Variants in BHMT2 observed in about 807,000 individuals in gnomAD.
The protein encoded by BHMT2 is S-methylmethionine--homocysteine S-methyltransferase BHMT2.
BHMT2 carries 28 observed loss-of-function variants against 39.0 expected under a neutral mutation model. The ratio of observed to expected loss-of-function variants is 0.72; its 90% CI spans 0.53 to 0.98. The LOEUF (loss-of-function observed/expected upper bound fraction) is 0.98, where lower values mean the gene tolerates loss of function less well. Among genes scored for constraint, BHMT2 ranks in the 50% least tolerant of loss-of-function variants. The pLI is 0.00. For missense variants in BHMT2, 410 were observed against 455.6 expected, an observed-to-expected ratio of 0.90 and a Z score of 0.91; for synonymous variants, 145 against 160.6, an observed-to-expected ratio of 0.90 and a Z score of 0.74.
intron 4 of BHMT2, chr5:79,082,587 A>T (rs526264): frequency 0.56 from 217,242 of 389,306 alleles, 63,533 homozygotes; most frequent in Non-Finnish European, 0.61. Context: ...GAATCAATGA[A>T]CCCTGAATGA....
chr5:79,083,430 G>A, intron 6 of BHMT2, 56 bp downstream of exon 6: 1 of 1,531,470 alleles, frequency 6.5e-7, no homozygotes, highest in Non-Finnish European at 8.7e-7. Context: ...AATCCAAATG[G>A]CTATAATAAA....
chr5:79,071,702 A>C (rs1755581614), intron 1 of BHMT2, among the ~76,000 whole-genome samples: 1 of 152,038 alleles, frequency 6.6e-6, no homozygotes, highest in African/African-American at 2.4e-5. Context: ...AAAAATAACT[A>C]ATGGATACTA....
chr5:79,089,468 A>G lies in BHMT2; in HGVS notation c.*894A>G, dbSNP rs1237236881. 5.3e-5 allele frequency: 8 copies of G among 150,032 alleles called. No individual in the cohort carries two copies. The highest frequency in any genetic ancestry group is 1.2e-4 in the Non-Finnish European group (8 of 67,820). The allele number at this position is 150,032 out of a possible 1,614,324, so 9.3% of individuals were successfully genotyped here. A position where few individuals can be genotyped will look rare whatever the true frequency, so the allele number is the denominator to read the frequency against. ...TCCATCTCAAAAAAAAAAAAAAAAGATATTAGGTCCTAGAATTTTTAAAAT... is the reference window on the plus strand; with the variant it reads ...TCCATCTCAAAAAAAAAAAAAAAAGGTATTAGGTCCTAGAATTTTTAAAAT... On this transcript the variant is annotated 3_prime_UTR_variant, in exon 8 of 8. Transcript: ENST00000255192.
intron 1 of BHMT2, among the ~76,000 whole-genome samples, chr5:79,072,600 C>G (rs1192542320): frequency 1.3e-5 from 2 of 152,156 alleles, no homozygotes; most frequent in Non-Finnish European, 2.9e-5. Context: ...ATGTCACCTG[C>G]CCCCAAGCCT....
rs10944 is a variant in BHMT2 at position 79,090,022 on chromosome 5, T to G, written c.*1448T>G. Among the ~76,000 whole-genome samples, 61,654 of 152,132 alleles carry G rather than the reference T, an allele frequency of 0.41. 15,120 individuals carry two copies. Among genetic ancestry groups the G allele is most frequent in the East Asian group, 0.61 (3,161 of 5,180 alleles). ...TTCATGTGTGCCAGTTTCTCTTTTT[T>G]TCACAACAATTTATCAATTTGTGGC... On this transcript the variant is annotated 3_prime_UTR_variant, in exon 8 of 8. Transcript: ENST00000255192.
chr5:79,088,502 G>A lies in BHMT2; in HGVS notation c.1020G>A (p.Arg340=), dbSNP rs1197347154. Residue 340 remains arginine (R), a synonymous_variant, in exon 8 of 8, where the codon AGG becomes AGA. Coordinates refer to ENST00000255192, the MANE Select transcript of BHMT2 (RefSeq NM_017614.5). ...ATATATTGAAACACAGGGCTCGAAG[G>A]GAGTATTGGGAGAATCTGCTGCCAG... The part of the protein sequence containing the change: ...TKPWIRARAR[R]EYWENLLPAS... 1 of 1,613,540 alleles carries A rather than the reference G, an allele frequency of 6.2e-7. No individual in the cohort carries two copies. Among genetic ancestry groups the A allele is most frequent in the Non-Finnish European group, 8.5e-7 (1 of 1,179,810 alleles).
At chr5:79,081,491 C>T (rs189892892) in intron 4 of BHMT2, among the ~76,000 whole-genome samples, 30 of 152,318 alleles carry the variant, frequency 2.0e-4, no homozygotes, top group Admixed American at 6.5e-4. Flanking sequence ...AACGAAAGTC[C>T]TCATTCCCCA....
At chr5:79,078,991 G>A (rs919834018) in intron 2 of BHMT2, among the ~76,000 whole-genome samples, 1 of 152,152 alleles carries the variant, frequency 6.6e-6, no homozygotes, top group Non-Finnish European at 1.5e-5. Flanking sequence ...TCTATGAGAA[G>A]CTCCTCACTT....
chr5:79,089,831 T>C lies in BHMT2; in HGVS notation c.*1257T>C, dbSNP rs1402937043. Among the ~76,000 whole-genome samples the C allele has an allele frequency of 6.6e-6, 1 of 152,050 alleles. No individual in the cohort carries two copies. ...ATAAAATACAAAAATTATCCAGGCA[T>C]GGTGGTGCATGCCTGTAATCCCAGC... On this transcript the variant is annotated 3_prime_UTR_variant, in exon 8 of 8. Transcript: ENST00000255192.
rs1554039290 is a variant in BHMT2 at position 79,071,845 on chromosome 5, A to AAAT, written c.33+2030_33+2031insAAT. On this transcript the variant is annotated intron_variant, in intron 1 of 7. Transcript: ENST00000255192. The stretch of plus-strand genomic sequence containing the variant: ...AGTAAAAAAAAAAAAAAAAAAAAAA[A>AAAT]CTAAAGAAGGGATCATACTGGTATA... 3.2e-4 allele frequency among the ~76,000 whole-genome samples: 46 copies of AAAT among 144,514 alleles called. 1 individual carries two copies. The highest frequency in any genetic ancestry group is 1.0e-3 in the African/African-American group (40 of 38,572). The allele number at this position is 144,514 out of a possible 152,430, so 94.8% of individuals were successfully genotyped here.
intron 1 of BHMT2, among the ~76,000 whole-genome samples, chr5:79,074,826 C>G (rs1755644315): frequency 6.6e-6 from 1 of 152,232 alleles, no homozygotes; most frequent in Non-Finnish European, 1.5e-5. Context: ...TGTGGCTAAA[C>G]TCTCACGCAG....
intron 7 of BHMT2, among the ~76,000 whole-genome samples, chr5:79,086,101 G>C (rs1755888392): frequency 6.6e-6 from 1 of 152,160 alleles, no homozygotes; most frequent in Non-Finnish European, 1.5e-5. Flanking sequence ...TGTGACTTCT[G>C]CCTCAGACAG....
At chr5:79,085,834 G>A (rs935495307) in intron 7 of BHMT2, among the ~76,000 whole-genome samples, 1 of 152,146 alleles carries the variant, frequency 6.6e-6, no homozygotes, top group Non-Finnish European at 1.5e-5. Flanking sequence ...AGAGGCCAGC[G>A]CGCTGCTTCT....
At position 79,088,702 on chromosome 5, in the gene BHMT2, C is replaced by A; in HGVS notation, c.*128C>A. 1.5e-6 allele frequency: 1 copy of A among 685,460 alleles called. No homozygotes were observed. Among genetic ancestry groups the A allele is most frequent in the Non-Finnish European group, 2.5e-6 (1 of 398,922 alleles). 42.5% of individuals were successfully genotyped at this position (685,460 alleles called of 1,614,324 possible). A position where few individuals can be genotyped will look rare whatever the true frequency, so the allele number is the denominator to read the frequency against. On this transcript the variant is annotated 3_prime_UTR_variant, in exon 8 of 8. Coordinates refer to ENST00000255192, the MANE Select transcript of BHMT2 (RefSeq NM_017614.5). ...CTCCAGCTGCTGAGCAGCTGAGGTG[C>A]TGCAGCCCCTTCCCTTCCAGCCCAC...
At chr5:79,078,978 C>G (rs1646336938) in intron 2 of BHMT2, among the ~76,000 whole-genome samples, 1 of 152,200 alleles carries the variant, frequency 6.6e-6, no homozygotes, top group Admixed American at 6.5e-5. Context: ...ATGCATTCTG[C>G]TTTCTATGAG....
intron 2 of BHMT2, 52 bp downstream of exon 2, chr5:79,077,664 T>A: frequency 6.4e-7 from 1 of 1,558,994 alleles, no homozygotes; most frequent in South Asian, 1.2e-5. Context: ...TTTATTTAAA[T>A]CTGATTGAGA....
intron 7 of BHMT2, 28 bp downstream of exon 7, chr5:79,083,884 T>A (rs1755843383): frequency 2.5e-6 from 4 of 1,574,096 alleles, no homozygotes; most frequent in Non-Finnish European, 2.6e-6. Flanking sequence ...AACATTCTTA[T>A]TATTTTCCTT....
Position 79,069,799 on chromosome 5 carries a change from G to A in BHMT2, c.17G>A (p.Arg6His), listed in dbSNP as rs1010004996. 1.4e-6 allele frequency: 2 copies of A among 1,434,208 alleles called. No individual in the cohort carries two copies. Among genetic ancestry groups the A allele is most frequent in the African/African-American group, 1.5e-5 (1 of 67,688 alleles). 88.8% of individuals were successfully genotyped at this position (1,434,208 alleles called of 1,614,324 possible). A position where few individuals can be genotyped will look rare whatever the true frequency, so the allele number is the denominator to read the frequency against. The change falls in exon 1 of 8, where the codon CGC becomes CAC. Residue 6 changes from arginine to histidine, a missense_variant. By Grantham distance (29) the Arg-to-His change is conservative. Coordinates refer to ENST00000255192, the MANE Select transcript of BHMT2 (RefSeq NM_017614.5). Reference protein sequence around the residue: MAPAGRPGAKKGILER... With the variant: MAPAGHPGAKKGILER... ...CGCGGCACCATGGCACCTGCTGGAC[G>A]CCCGGGGGCCAAGAAGGTGAGTTTC...
intron 7 of BHMT2, among the ~76,000 whole-genome samples, chr5:79,086,463 C>A (rs182086720): frequency 4.6e-5 from 7 of 152,290 alleles, no homozygotes; most frequent in Non-Finnish European, 8.8e-5. Context: ...ATCCATCATG[C>A]CTTGGTGTTT....
Sources: gnomAD v4.1 joint callset for allele counts (sites outside exome capture counted in the v4.1 genomes callset) on GRCh38, gnomAD v4.1.1 for gene constraint, MANE v1.5 for transcripts, NCBI Gene and HGNC (gene_info 2026-07-23, HGNC 2026-07-21) for gene names.